TMTC4: variants seen among roughly 807,000 people sequenced by gnomAD.
The protein encoded by TMTC4 is transmembrane O-mannosyltransferase targeting cadherins 4, also known as protein O-mannosyl-transferase TMTC4.
Under a neutral mutation model 86.0 loss-of-function variants are expected in TMTC4, and 65 were observed. The observed-to-expected ratio is 0.76, with a 90% CI of 0.62 to 0.93. TMTC4 has a LOEUF of 0.93. Among genes scored for constraint, TMTC4 ranks in the 40% least tolerant of loss-of-function variants. TMTC4 has a pLI of 0.00. For synonymous variants in TMTC4, 379 were observed against 382.5 expected (o/e 0.99, Z 0.11); for missense variants, 866 against 948.1 (o/e 0.91, Z 1.14).
At chr13:100,621,215 C>T (rs980978488) in intron 15 of TMTC4, among the ~76,000 whole-genome samples, 2 of 152,186 alleles carry the variant, frequency 1.3e-5, no homozygotes, top group Admixed American at 1.3e-4. Flanking sequence ...ATCATTCTTA[C>T]AGAAGGAGCA....
intron 17 of TMTC4, among the ~76,000 whole-genome samples, chr13:100,608,328 C>T (rs192911037): frequency 2.8e-4 from 42 of 152,194 alleles, no homozygotes; most frequent in Non-Finnish European, 5.0e-4. Flanking sequence ...AGGGCTGGAC[C>T]CAAACTCTGC....
Position 100,636,623 on chromosome 13 carries a change from C to T in TMTC4, c.1111G>A (p.Asp371Asn), listed in dbSNP as rs186555937. 2.9e-5 allele frequency: 47 copies of T among 1,614,184 alleles called. No individual in the cohort carries two copies. In the East Asian group the frequency reaches 3.6e-4, roughly 12 times the overall value. The change falls in exon 10 of 19, where the codon GAC (aspartate) becomes AAC (asparagine). Residue 371 changes from aspartate to asparagine, a missense_variant. Physicochemically the swap from Asp to Asn is conservative, Grantham distance 23 (BLOSUM62 1). Transcript: ENST00000342624. ...GCTGCAAGTGCAATTACCCTCCAGT[C>T]GCTGATGGACTTAATGAGGGGGATG... ...GCIPLIKSIS[D>N]WRVIALAALW...
chr13:100,667,725 T>C (rs1594382850), intron 3 of TMTC4, among the ~76,000 whole-genome samples: 2 of 152,308 alleles, frequency 1.3e-5, no homozygotes, highest in Admixed American at 1.3e-4. Flanking sequence ...TATATTCCTC[T>C]AAGTCTTCTT....
intron 6 of TMTC4, 85 bp downstream of exon 6, chr13:100,656,296 A>T: frequency 8.4e-7 from 1 of 1,196,430 alleles, no homozygotes; most frequent in Non-Finnish European, 1.2e-6. Context: ...ACATAGATGG[A>T]TTCTTTCCCG....
At position 100,674,738 on chromosome 13, in the gene TMTC4, C is replaced by G; in HGVS notation, c.-208+6G>C. On this transcript the variant is annotated splice_donor_region_variant and intron_variant, in intron 1 of 18. Transcript: ENST00000342624. The stretch of plus-strand genomic sequence containing the variant: ...TCGGCCCTGCAGGGGCCGCCCCGCG[C>G]GTTACCTGCAAGGAGCCTGAGCCCC... 1.0e-6 allele frequency: 1 copy of G among 983,246 alleles called. No homozygotes were observed. Among genetic ancestry groups the G allele is most frequent in the Non-Finnish European group, 1.2e-6 (1 of 829,116 alleles). 60.9% of individuals were successfully genotyped at this position (983,246 alleles called of 1,614,324 possible). A position where few individuals can be genotyped will look rare whatever the true frequency, so the allele number is the denominator to read the frequency against.
chr13:100,662,380 C>G (rs943903872), intron 5 of TMTC4, among the ~76,000 whole-genome samples: 1 of 151,778 alleles, frequency 6.6e-6, no homozygotes, highest in Non-Finnish European at 1.5e-5. Flanking sequence ...AAGTCCTGCC[C>G]GACATCCACT....
At chr13:100,625,277 A>C (rs1239480654) in intron 15 of TMTC4, 8 of 488,410 alleles carry the variant, frequency 1.6e-5, no homozygotes, top group Non-Finnish European at 2.9e-5. Context: ...GGACTTTAAC[A>C]TGTTAATTTA....
intron 3 of TMTC4, 91 bp from the exon 4 acceptor site, chr13:100,664,427 C>A: frequency 1.2e-6 from 1 of 868,020 alleles, no homozygotes; most frequent in Admixed American, 2.9e-5. Context: ...TGCAGTCAGG[C>A]CTCCTAGCGG....
chr13:100,674,253 G>A (rs1322127319), intron 1 of TMTC4: 5 of 979,730 alleles, frequency 5.1e-6, no homozygotes, highest in East Asian at 1.2e-4. Context: ...GGCGCGGCGG[G>A]GGAGCCGCCG....
intron 15 of TMTC4, among the ~76,000 whole-genome samples, chr13:100,622,171 G>A (rs985878535): frequency 1.3e-5 from 2 of 152,206 alleles, no homozygotes; most frequent in African/African-American, 4.8e-5. Context: ...GAAAGTTAAT[G>A]TGAGACAAAG....
chr13:100,648,474 T>A (rs1368055126), intron 6 of TMTC4, among the ~76,000 whole-genome samples: 4 of 152,226 alleles, frequency 2.6e-5, no homozygotes, highest in African/African-American at 9.6e-5. Flanking sequence ...AAGTTTTCAA[T>A]GCCACATATG....
At chr13:100,632,114 G>C (rs1881537509) in intron 12 of TMTC4, among the ~76,000 whole-genome samples, 1 of 142,692 alleles carries the variant, frequency 7.0e-6, no homozygotes. Context: ...TAATACTTAC[G>C]TGCATTCCCA....
At chr13:100,623,830 G>C (rs545133656) in intron 15 of TMTC4, 2 of 445,482 alleles carry the variant, frequency 4.5e-6, no homozygotes, top group Non-Finnish European at 9.0e-6. Flanking sequence ...GCCTTTGTGC[G>C]GCCAAAACCA....
At position 100,626,100 on chromosome 13, in the gene TMTC4, A is replaced by G. The variant is rs1162576296; in HGVS notation, c.1557T>C (p.Ala519=). 8.1e-6 allele frequency: 13 copies of G among 1,614,268 alleles called. No homozygotes were observed. Among genetic ancestry groups the G allele is most frequent in the Non-Finnish European group, 1.1e-5 (13 of 1,180,048 alleles). ...KNLADKGNQT[A]AIRYYREAVR... ...CAGCTTCCCGGTAGTATCTGATGGC[A>G]GCTGTCTGGTTGCCTTTATCAGCCA... Residue 519 remains alanine, a synonymous_variant, in exon 13 of 19, where the codon GCT becomes GCC. Coordinates refer to ENST00000342624, the MANE Select transcript of TMTC4 (RefSeq NM_032813.5).
chr13:100,636,752 A>T lies in TMTC4; in HGVS notation c.1000-18T>A. ...TTTACGGCCTGCCAGTCAAAAGGAG[A>T]ACAAACATCTATTTGATACTGAACT... is the stretch of plus-strand genomic sequence containing the variant. On this transcript the variant is annotated intron_variant, in intron 9 of 18. Transcript: ENST00000342624. The T allele has an allele frequency of 4.3e-6, 7 of 1,613,422 alleles. No individual in the cohort carries two copies. Among genetic ancestry groups the T allele is most frequent in the Non-Finnish European group, 5.9e-6 (7 of 1,179,354 alleles).
chr13:100,649,035 C>CTTTG (rs1884101303), intron 6 of TMTC4, among the ~76,000 whole-genome samples: 1 of 152,108 alleles, frequency 6.6e-6, no homozygotes, highest in Non-Finnish European at 1.5e-5. Flanking sequence ...TGCACACACA[C>CTTTG]TTTGAGTTTC....
In TMTC4 at chr13:100,638,033, A is replaced by T; in HGVS notation, c.742-11T>A. On this transcript the variant is annotated splice_polypyrimidine_tract_variant and intron_variant, in intron 7 of 18. Transcript: ENST00000342624. The stretch of plus-strand genomic sequence containing the variant: ...TACCGCATTTAAACCCTAAGAAAGC[A>T]AAGCAAGACAATCAGCCACGGGAGA... 6.2e-7 allele frequency: 1 copy of T among 1,610,812 alleles called. No individual in the cohort carries two copies. The highest frequency in any genetic ancestry group is 8.5e-7 in the Non-Finnish European group (1 of 1,178,224).
intron 5 of TMTC4, among the ~76,000 whole-genome samples, chr13:100,657,783 T>C (rs1380240910): frequency 6.6e-6 from 1 of 152,230 alleles, no homozygotes; most frequent in African/African-American, 2.4e-5. Flanking sequence ...TATTTACATA[T>C]GATTCTCAAG....
chr13:100,636,319 C>T (rs900613083), intron 10 of TMTC4, among the ~76,000 whole-genome samples: 1 of 152,230 alleles, frequency 6.6e-6, no homozygotes, highest in African/African-American at 2.4e-5. Context: ...ATGAAGCAGT[C>T]ATCCGTAGCT....
Sources: gnomAD v4.1 joint callset for allele counts (sites outside exome capture counted in the v4.1 genomes callset) on GRCh38, gnomAD v4.1.1 for gene constraint, MANE v1.5 for transcripts, NCBI Gene and HGNC (gene_info 2026-07-23, HGNC 2026-07-21) for gene names.